NBPF9: variants seen among roughly 807,000 people sequenced by gnomAD.
NBPF9 encodes the protein NBPF member 9.
Under a neutral mutation model 97.8 loss-of-function variants are expected in NBPF9, and 91 were observed. That is an observed-to-expected ratio of 0.93 (90% CI 0.79 to 1.11). NBPF9 has a LOEUF of 1.11. Among genes scored for constraint, NBPF9 ranks in the 50% least tolerant of loss-of-function variants. NBPF9 has a pLI of 0.00. For synonymous variants in NBPF9, 334 were observed against 359.5 expected (o/e 0.93, Z 0.80); for missense variants, 992 against 939.5 (o/e 1.06, Z -0.73).
chr1:149,069,167 G>T (rs1257112364), intron 17 of NBPF9, among the ~76,000 whole-genome samples: 3 of 150,732 alleles, frequency 2.0e-5, no homozygotes, highest in Non-Finnish European at 4.5e-5. Flanking sequence ...ACAAGAGAAA[G>T]CAGAAAAGAT....
chr1:149,086,615 A>G (rs1306489538), intron 5 of NBPF9, among the ~76,000 whole-genome samples: 4 of 152,256 alleles, frequency 2.6e-5, no homozygotes, highest in Admixed American at 6.5e-5. Context: ...AGACTTAGTT[A>G]TAGATTAAAA....
Position 149,082,203 on chromosome 1 carries a change from G to A in NBPF9, c.-35-29C>T, listed in dbSNP as rs1217287031. ...GGGAGAAGAAACCCAAACATATGATGGGTTAAAAACTGGTGAAATCAAATA... is the reference window on the plus strand; with the variant it reads ...GGGAGAAGAAACCCAAACATATGATAGGTTAAAAACTGGTGAAATCAAATA... On this transcript the variant is annotated intron_variant, in intron 6 of 29. Coordinates refer to ENST00000584027, the Ensembl canonical transcript of NBPF9. 59 of 1,600,680 alleles carry A rather than the reference G, an allele frequency of 3.7e-5. No individual in the cohort carries two copies. The South Asian group carries it at 5.2e-4, about 14-fold the overall frequency.
At chr1:149,073,428 G>C (rs320824) in intron 13 of NBPF9, among the ~76,000 whole-genome samples, 8,854 of 134,344 alleles carry the variant, frequency 0.066, 632 homozygotes, top group East Asian at 0.31. Flanking sequence ...GGAGGTGATT[G>C]TCACTAAGGG....
chr1:149,064,079 G>A (rs1463257592), intron 19 of NBPF9, among the ~76,000 whole-genome samples: 2 of 136,980 alleles, frequency 1.5e-5, no homozygotes, highest in Non-Finnish European at 3.1e-5. Flanking sequence ...CACTGATGAG[G>A]GAGTCAAAGG....
At chr1:149,075,308 C>A (rs1327343435) in intron 12 of NBPF9, among the ~76,000 whole-genome samples, 1 of 152,286 alleles carries the variant, frequency 6.6e-6, no homozygotes, top group East Asian at 1.9e-4. Context: ...ACATTTAGAA[C>A]AACAGACTAG....
At position 149,086,808 on chromosome 1, in the gene NBPF9, G is replaced by A. The variant is rs2655809; in HGVS notation, c.-195+3945C>T. The stretch of plus-strand genomic sequence containing the variant: ...TTCCTCCCCAGTTCATCTGTGTCTC[G>A]TTACTGAGCCACGAGAAATAGCAGC... On this transcript the variant is annotated intron_variant, in intron 5 of 29. Coordinates refer to ENST00000584027, the Ensembl canonical transcript of NBPF9. Among the ~76,000 whole-genome samples the A allele has an allele frequency of 1.1e-4, 16 of 150,516 alleles. No homozygotes were observed. The South Asian group carries it at 1.5e-3, about 14-fold the overall frequency.
At chr1:149,078,865 C>G (rs1347015393) in intron 9 of NBPF9, 142 bp downstream of exon 9, 8 of 1,459,192 alleles carry the variant, frequency 5.5e-6, no homozygotes, top group Admixed American at 3.7e-5. Context: ...TGTTCTTACC[C>G]AGGAAGTCCT....
At chr1:149,077,596 C>T (rs1553654890) in intron 10 of NBPF9, among the ~76,000 whole-genome samples, 177 bp from the exon 11 acceptor site, 1 of 152,182 alleles carries the variant, frequency 6.6e-6, no homozygotes, top group South Asian at 2.1e-4. Flanking sequence ...ACCATGGCTG[C>T]CATGGGAGCC....
chr1:149,089,779 C>T (rs1468239782), intron 5 of NBPF9, among the ~76,000 whole-genome samples: 9 of 152,416 alleles, frequency 5.9e-5, no homozygotes, highest in African/African-American at 2.2e-4. Flanking sequence ...TTATTTCATG[C>T]CTTTCTAATT....
chr1:149,100,918 A>G (rs1553663145), intron 3 of NBPF9, among the ~76,000 whole-genome samples: 1 of 151,446 alleles, frequency 6.6e-6, no homozygotes, highest in Non-Finnish European at 1.5e-5. Context: ...TGGGCAATAG[A>G]GTGAGGCCCT....
chr1:149,072,634 A>T, intron 14 of NBPF9, 84 bp downstream of exon 14: 1 of 1,517,330 alleles, frequency 6.6e-7, no homozygotes, highest in East Asian at 2.2e-5. Flanking sequence ...CACCATTGAT[A>T]CAACTGTCAT....
rs587632588 is a variant in NBPF9 at position 149,062,533 on chromosome 1, G to T, written c.2079-268C>A. Among the ~76,000 whole-genome samples the T allele has an allele frequency of 9.0e-5, 13 of 143,670 alleles. No homozygotes were observed. The South Asian group carries it at 2.3e-3, about 25-fold the overall frequency. The allele number at this position is 143,670 out of a possible 152,430, so 94.3% of individuals were successfully genotyped here. ...GTGACACACTGATGAAGGGGTCAAAGGACACTCTGAGTTAGTGCCCTCGGG... is the reference window on the plus strand; with the variant it reads ...GTGACACACTGATGAAGGGGTCAAATGACACTCTGAGTTAGTGCCCTCGGG... On this transcript the variant is annotated intron_variant, in intron 21 of 29. Transcript: ENST00000584027.
intron 8 of NBPF9, among the ~76,000 whole-genome samples, 198 bp from the exon 9 acceptor site, chr1:149,079,419 C>T (rs1216010967): frequency 5.3e-4 from 80 of 150,482 alleles, no homozygotes; most frequent in Admixed American, 1.3e-3. Flanking sequence ...GAGAGGGCTC[C>T]TGCAAGATCC....
intron 19 of NBPF9, 146 bp from the exon 20 acceptor site, chr1:149,063,951 T>A: frequency 4.4e-6 from 3 of 681,044 alleles, no homozygotes; most frequent in Non-Finnish European, 8.0e-6. Flanking sequence ...TGCCTTTATG[T>A]TGGGATAGAC....
At chr1:149,084,416 T>C (rs3009752) in intron 5 of NBPF9, among the ~76,000 whole-genome samples, 3 of 146,070 alleles carry the variant, frequency 2.1e-5, no homozygotes, top group Non-Finnish European at 4.5e-5. Context: ...ATATATAACA[T>C]GTGTATATAT....
chr1:149,055,670 T>A (rs781878109), exon 30 of NBPF9: 1 of 1,611,826 alleles, frequency 6.2e-7, no homozygotes, highest in Non-Finnish European at 8.5e-7. Flanking sequence ...TGTGGGAATA[T>A]GACTTCCATC....
At chr1:149,100,832 G>A (rs2082098518) in intron 3 of NBPF9, among the ~76,000 whole-genome samples, 1 of 151,846 alleles carries the variant, frequency 6.6e-6, no homozygotes, top group Non-Finnish European at 1.5e-5. Flanking sequence ...CTACTCAGGA[G>A]GCTGAGGTGG....
At chr1:149,072,472 T>C (rs1470895964) in intron 14 of NBPF9, among the ~76,000 whole-genome samples, 15,143 of 151,694 alleles carry the variant, frequency 0.1, 1,218 homozygotes, top group East Asian at 0.46. Context: ...TAAAACTAGA[T>C]AGATGCTGCC....
At chr1:149,055,639 G>C in exon 30 of NBPF9, 1 of 1,611,622 alleles carries the variant, frequency 6.2e-7, no homozygotes, top group Non-Finnish European at 8.5e-7. Context: ...GACATCTCTC[G>C]GCTTAGTAAG....
Sources: gnomAD v4.1 joint callset for allele counts (sites outside exome capture counted in the v4.1 genomes callset) on GRCh38, gnomAD v4.1.1 for gene constraint, MANE v1.5 for transcripts, NCBI Gene and HGNC (gene_info 2026-07-23, HGNC 2026-07-21) for gene names.